The following GALNT2 variants were observed in gnomAD, a reference collection of about 807,000 sequenced individuals.
GALNT2 encodes polypeptide N-acetylgalactosaminyltransferase 2, also known as UDP-GalNAc:polypeptide N-acetylgalactosaminyltransferase 2.
GALNT2 carries 31 observed loss-of-function variants against 81.4 expected under a neutral mutation model. The observed-to-expected ratio is 0.38, with a 90% CI of 0.29 to 0.51. The LOEUF (loss-of-function observed/expected upper bound fraction) is 0.51. GALNT2 is among the 20% of genes least tolerant of loss of function. The pLI is 0.87. For missense variants in GALNT2, 629 were observed against 765.7 expected, an observed-to-expected ratio of 0.82 and a Z score of 2.11; for synonymous variants, 303 against 287.4, an observed-to-expected ratio of 1.05 and a Z score of -0.55.
chr1:230,103,838 A>G (rs1451148902), intron 1 of GALNT2, among the ~76,000 whole-genome samples: 2 of 152,058 alleles, frequency 1.3e-5, no homozygotes, highest in African/African-American at 4.8e-5. Flanking sequence ...TTATTAGGTA[A>G]TGGATTGTTA....
intron 1 of GALNT2, among the ~76,000 whole-genome samples, chr1:230,076,769 T>C (rs1460964623): frequency 6.6e-6 from 1 of 152,060 alleles, no homozygotes; most frequent in East Asian, 1.9e-4. Flanking sequence ...ATAAAACCAT[T>C]GGGATGGTTA....
At chr1:230,116,693 T>C (rs1026355401) in intron 1 of GALNT2, among the ~76,000 whole-genome samples, 12 of 152,200 alleles carry the variant, frequency 7.9e-5, no homozygotes, top group African/African-American at 2.9e-4. Flanking sequence ...TCAGTAGTAG[T>C]CTTTTGACAG....
intron 1 of GALNT2, among the ~76,000 whole-genome samples, chr1:230,172,175 T>G (rs986501252): frequency 4.6e-5 from 7 of 152,202 alleles, no homozygotes; most frequent in African/African-American, 1.7e-4. Context: ...TTTCCAAGAC[T>G]AGGCCATAAA....
At position 230,163,932 on chromosome 1, in the gene GALNT2, T is replaced by G. The variant is rs72651038; in HGVS notation, c.127-14286T>G. On this transcript the variant is annotated intron_variant, in intron 1 of 15. Coordinates refer to ENST00000366672, the MANE Select transcript of GALNT2 (RefSeq NM_004481.5). Reference sequence around the variant, plus strand: ...TGTCTGTCCCAGAACTGGCCGGGGGTGGTGGATGGAGCCTGGACTCTGGGC... The same window carrying G: ...TGTCTGTCCCAGAACTGGCCGGGGGGGGTGGATGGAGCCTGGACTCTGGGC... Among the ~76,000 whole-genome samples the G allele has an allele frequency of 1.2e-3, 176 of 151,956 alleles. 1 individual carries two copies. Among genetic ancestry groups the G allele is most frequent in the Non-Finnish European group, 1.2e-4 (8 of 67,968 alleles).
At chr1:230,076,738 G>A (rs184728927) in intron 1 of GALNT2, among the ~76,000 whole-genome samples, 54 of 152,178 alleles carry the variant, frequency 3.5e-4, no homozygotes, top group Middle Eastern at 3.4e-3. Flanking sequence ...ATATTTTATC[G>A]GATTGGTAGG....
chr1:230,223,682 G>T (rs1664621782), intron 3 of GALNT2, among the ~76,000 whole-genome samples: 1 of 152,276 alleles, frequency 6.6e-6, no homozygotes, highest in African/African-American at 2.4e-5. Flanking sequence ...TATTGGCCAG[G>T]CTGGTCTTGA....
At chr1:230,160,843 A>AG (rs1236116859) in intron 1 of GALNT2, among the ~76,000 whole-genome samples, 2 of 152,092 alleles carry the variant, frequency 1.3e-5, no homozygotes, top group African/African-American at 4.8e-5. Context: ...GTGTTACAGA[A>AG]GGGGATATAA....
intron 3 of GALNT2, among the ~76,000 whole-genome samples, chr1:230,212,598 A>G (rs1357979049): frequency 2.0e-5 from 3 of 152,096 alleles, no homozygotes; most frequent in Non-Finnish European, 4.4e-5. Flanking sequence ...GGGTGCTGGC[A>G]GGCTCAGCGA....
intron 2 of GALNT2, among the ~76,000 whole-genome samples, chr1:230,184,868 G>A (rs1227218701): frequency 2.6e-5 from 4 of 151,970 alleles, no homozygotes; most frequent in Non-Finnish European, 5.9e-5. Flanking sequence ...TTCCCATCAT[G>A]CATATTTACA....
intron 2 of GALNT2, among the ~76,000 whole-genome samples, chr1:230,180,129 G>A (rs57891719): frequency 6.6e-6 from 1 of 152,090 alleles, no homozygotes; most frequent in Non-Finnish European, 1.5e-5. Flanking sequence ...ATGTTGGCCA[G>A]GCTGGTCTCA....
intron 10 of GALNT2, among the ~76,000 whole-genome samples, chr1:230,252,232 G>T (rs905478627): frequency 6.6e-6 from 1 of 152,204 alleles, no homozygotes; most frequent in Non-Finnish European, 1.5e-5. Context: ...AACCTGAGGG[G>T]CCTCTGTGGG....
intron 2 of GALNT2, among the ~76,000 whole-genome samples, chr1:230,198,632 CA>C (rs1355464874): frequency 6.6e-6 from 1 of 152,178 alleles, no homozygotes; most frequent in Non-Finnish European, 1.5e-5. Flanking sequence ...GGGACTAGCG[CA>C]GACCTCATTC....
intron 1 of GALNT2, among the ~76,000 whole-genome samples, chr1:230,071,835 A>G (rs1246739719): frequency 2.0e-5 from 3 of 152,192 alleles, no homozygotes; most frequent in Admixed American, 1.3e-4. Context: ...AAGTTTCCCA[A>G]TTCTGGAGTG....
chr1:230,189,477 C>T (rs934487228), intron 2 of GALNT2, among the ~76,000 whole-genome samples: 2 of 152,188 alleles, frequency 1.3e-5, no homozygotes, highest in African/African-American at 2.4e-5. Flanking sequence ...CTGATCCTAA[C>T]AGAGACGTTT....
chr1:230,138,973 C>T (rs1661642519), intron 1 of GALNT2, among the ~76,000 whole-genome samples: 1 of 152,128 alleles, frequency 6.6e-6, no homozygotes, highest in African/African-American at 2.4e-5. Context: ...CTGAGAACGC[C>T]TAACCTCCTG....
At chr1:230,110,705 T>C (rs1660673673) in intron 1 of GALNT2, among the ~76,000 whole-genome samples, 1 of 132,262 alleles carries the variant, frequency 7.6e-6, no homozygotes, top group African/African-American at 2.9e-5. Context: ...CTCTCAGCTG[T>C]GCTTTTCTGT....
intron 11 of GALNT2, among the ~76,000 whole-genome samples, chr1:230,260,097 G>A (rs376360910): frequency 4.6e-5 from 7 of 152,214 alleles, no homozygotes; most frequent in East Asian, 1.9e-4. Flanking sequence ...AGGCAGTTTC[G>A]TCACTATCTC....
chr1:230,150,177 C>G (rs765930320), intron 1 of GALNT2, among the ~76,000 whole-genome samples: 2 of 152,200 alleles, frequency 1.3e-5, no homozygotes, highest in Non-Finnish European at 2.9e-5. Flanking sequence ...TGGCTCCGCC[C>G]TGGGGCCAGG....
intron 1 of GALNT2, among the ~76,000 whole-genome samples, chr1:230,164,393 GT>G (rs1331944976): frequency 6.6e-6 from 1 of 152,216 alleles, no homozygotes; most frequent in African/African-American, 2.4e-5. Context: ...TCACTTTGGT[GT>G]TTGACCCGTT....
Sources: allele counts gnomAD v4.1 joint callset (sites outside exome capture counted in the v4.1 genomes callset), GRCh38; gene constraint gnomAD v4.1.1; transcripts MANE v1.5; gene names NCBI Gene and HGNC (gene_info 2026-07-23, HGNC 2026-07-21).